The following MTUS1 variants were observed in gnomAD, a reference collection of about 807,000 sequenced individuals.
MTUS1 encodes the protein microtubule associated scaffold protein 1.
Under a neutral mutation model 120.8 loss-of-function variants are expected in MTUS1, and 109 were observed. The observed-to-expected ratio is 0.90, with a 90% CI of 0.77 to 1.06. MTUS1 has a LOEUF of 1.06. Among genes scored for constraint, MTUS1 ranks in the 50% least tolerant of loss-of-function variants. The pLI is 0.00. For synonymous variants in MTUS1, 737 were observed against 550.5 expected, an observed-to-expected ratio of 1.34 and a Z score of -4.74; for missense variants, 2,210 against 1,486.3, an observed-to-expected ratio of 1.49 and a Z score of -8.01.
intron 4 of MTUS1, among the ~76,000 whole-genome samples, chr8:17,720,877 A>C (rs2045785360): frequency 6.6e-6 from 1 of 152,206 alleles, no homozygotes; most frequent in Non-Finnish European, 1.5e-5. Context: ...AAAAGGATCA[A>C]GATCGTAACT....
intron 7 of MTUS1, among the ~76,000 whole-genome samples, chr8:17,683,010 T>C (rs1264886280): frequency 6.6e-6 from 1 of 152,196 alleles, no homozygotes; most frequent in Non-Finnish European, 1.5e-5. Flanking sequence ...CAGTGGCGCA[T>C]GCCTGTAATC....
chr8:17,751,628 G>C (rs2048200463), intron 2 of MTUS1, among the ~76,000 whole-genome samples: 1 of 152,056 alleles, frequency 6.6e-6, no homozygotes, highest in Non-Finnish European at 1.5e-5. Flanking sequence ...GGGAGGCCGA[G>C]GCAGGTGGAT....
At chr8:17,739,908 T>C (rs192013326) in intron 3 of MTUS1, among the ~76,000 whole-genome samples, 6 of 152,338 alleles carry the variant, frequency 3.9e-5, no homozygotes, top group African/African-American at 1.4e-4. Flanking sequence ...TCTCTTATAA[T>C]CTGGTCTCAT....
chr8:17,765,068 C>G lies in MTUS1; in HGVS notation c.-154-9107G>C, dbSNP rs543554642. 5.3e-5 allele frequency among the ~76,000 whole-genome samples: 8 copies of G among 152,276 alleles called. No individual in the cohort carries two copies. The East Asian group carries it at 1.5e-3, about 29-fold the overall frequency. On this transcript the variant is annotated intron_variant, in intron 1 of 14. Coordinates refer to ENST00000693296, the MANE Select transcript of MTUS1 (RefSeq NM_001363059.2). Reference sequence around the variant, plus strand: ...GAAGTGATGGGAGACAGTGACAGATCATTAGGCATTAGATTCTCATAAGTA... The same window carrying G: ...GAAGTGATGGGAGACAGTGACAGATGATTAGGCATTAGATTCTCATAAGTA...
intron 8 of MTUS1, among the ~76,000 whole-genome samples, chr8:17,674,161 G>C (rs906089908): frequency 9.2e-5 from 14 of 152,030 alleles, no homozygotes; most frequent in African/African-American, 3.4e-4. Context: ...GTGTCGGCTG[G>C]GTGCGGTGGC....
intron 3 of MTUS1, among the ~76,000 whole-genome samples, chr8:17,735,038 A>G (rs1288617452): frequency 6.6e-6 from 1 of 152,072 alleles, no homozygotes; most frequent in Non-Finnish European, 1.5e-5. Flanking sequence ...CAGGCTCCCG[A>G]GTAGCTAGTA....
intron 2 of MTUS1, among the ~76,000 whole-genome samples, chr8:17,748,820 A>AC: frequency 6.6e-6 from 1 of 152,312 alleles, no homozygotes; most frequent in Middle Eastern, 3.4e-3. Context: ...AGGCACTCAG[A>AC]CAGGGTCTCT....
intron 1 of MTUS1, among the ~76,000 whole-genome samples, chr8:17,779,700 A>T (rs1204025237): frequency 6.6e-6 from 1 of 152,176 alleles, no homozygotes; most frequent in Non-Finnish European, 1.5e-5. Context: ...GCCCTACTCT[A>T]TCTTGGTTTT....
chr8:17,715,835 G>A lies in MTUS1; in HGVS notation c.2516C>T (p.Ser839Leu). 2 of 1,614,038 alleles carry A rather than the reference G, an allele frequency of 1.2e-6. No homozygotes were observed. The highest frequency in any genetic ancestry group is 1.7e-6 in the Non-Finnish European group (2 of 1,179,938). ...CAAAGGCTTCAAATAAAAGGATCCT[G>A]AGGAACCATTCTGAAATGCTGGTTT... ...PPKPAFQNGS[S>L]GSFYLKPLVS... Residue 839 changes from serine to leucine, a missense_variant, in exon 5 of 15, where the codon TCA (serine) becomes TTA (leucine). By Grantham distance (145) the Ser-to-Leu change is moderately radical. Transcript: ENST00000693296.
chr8:17,755,266 CTCTT>C lies in MTUS1; in HGVS notation c.538_541del (p.Lys180ValfsTer61). The C allele has an allele frequency of 1.9e-6, 3 of 1,614,160 alleles. No homozygotes were observed. The highest frequency in any genetic ancestry group is 2.5e-6 in the Non-Finnish European group (3 of 1,179,990). On this transcript the variant is annotated frameshift_variant, in exon 2 of 15. Coordinates refer to ENST00000693296, the MANE Select transcript of MTUS1 (RefSeq NM_001363059.2). LOFTEE classifies it high-confidence loss of function. ...GCTTCCAGCAGTATGGAAGGACTGA[CTCTT>C]TCCGATGGCATGATGTGATATAAAG...
chr8:17,698,678 GAAGA>G (rs1274841431), intron 6 of MTUS1, among the ~76,000 whole-genome samples: 4 of 152,064 alleles, frequency 2.6e-5, no homozygotes, highest in Non-Finnish European at 5.9e-5. Flanking sequence ...ATGAAGCAGG[GAAGA>G]GAGAGGGAGG....
At chr8:17,682,114 G>C (rs1383473108) in intron 7 of MTUS1, among the ~76,000 whole-genome samples, 1 of 152,166 alleles carries the variant, frequency 6.6e-6, no homozygotes, top group African/African-American at 2.4e-5. Flanking sequence ...GAGAACCACT[G>C]GAAGATTTAA....
rs1208498836 is a variant in MTUS1, at chr8:17,684,399, T to G, written c.2767A>C (p.Lys923Gln). ...ENQSGFILQL[K>Q]QLLACGNTKF... ...GTATTACCACAGGCAAGAAGCTGCT[T>G]GAGCTGCAGGATAAATCCACTTTGG... The change falls in exon 7 of 15, where the codon AAG (lysine) becomes CAG (glutamine). Residue 923 changes from lysine to glutamine, a missense_variant. Transcript: ENST00000693296. 2 of 1,614,232 alleles carry G rather than the reference T, an allele frequency of 1.2e-6. No individual in the cohort carries two copies. Among genetic ancestry groups the G allele is most frequent in the East Asian group, 4.5e-5 (2 of 44,888 alleles).
chr8:17,649,115 G>A (rs6995714), intron 13 of MTUS1, among the ~76,000 whole-genome samples: 11,732 of 151,716 alleles, frequency 0.077, 613 homozygotes, highest in African/African-American at 0.13. Context: ...TTGAGATGGA[G>A]TCTTGCTATG....
At position 17,723,398 on chromosome 8, in the gene MTUS1, C is replaced by T. The variant is rs544160010; in HGVS notation, c.2449+274G>A. 13 of 481,982 alleles carry T rather than the reference C, an allele frequency of 2.7e-5. No homozygotes were observed. In the East Asian group the frequency reaches 4.5e-4, roughly 17 times the overall value. 29.9% of individuals were successfully genotyped at this position (481,982 alleles called of 1,614,324 possible). A position where few individuals can be genotyped will look rare whatever the true frequency, so the allele number is the denominator to read the frequency against. On this transcript the variant is annotated intron_variant, in intron 4 of 14. Coordinates refer to ENST00000693296, the MANE Select transcript of MTUS1 (RefSeq NM_001363059.2). ...TGATTCCAGTTAGAGTCCAAATCCC[C>T]TGGGTTGCTACTCTTAAACCTCCAA...
intron 1 of MTUS1, among the ~76,000 whole-genome samples, chr8:17,775,258 A>G (rs1363557097): frequency 6.6e-6 from 1 of 152,170 alleles, no homozygotes; most frequent in Non-Finnish European, 1.5e-5. Context: ...CATGTTATAT[A>G]TATTTTACCA....
In MTUS1 at chr8:17,753,987, G is replaced by C. The variant is rs375815032; in HGVS notation, c.1821C>G (p.Ala607=). 12 of 1,613,988 alleles carry C rather than the reference G, an allele frequency of 7.4e-6. No homozygotes were observed. The highest frequency in any genetic ancestry group is 1.3e-5 in the African/African-American group (1 of 74,890). ...CAACATCTTCCTGATTCGATTTCAC[G>C]GCAGATGTTGTTCTTGGAACCCTGT... ...ASHRVPRTTS[A]VKSNQEDVDK... is the part of the protein sequence containing the mutation. Residue 607 remains alanine (A), a synonymous_variant, in exon 2 of 15, where the codon GCC becomes GCG. Transcript: ENST00000693296.
intron 6 of MTUS1, among the ~76,000 whole-genome samples, chr8:17,704,984 A>C (rs28525253): frequency 0.016 from 2,434 of 151,914 alleles, 66 homozygotes; most frequent in African/African-American, 0.056. Flanking sequence ...AATGATTTTT[A>C]TTCTTTTTAT....
chr8:17,677,923 A>G (rs1026755244), intron 7 of MTUS1, among the ~76,000 whole-genome samples: 1 of 152,214 alleles, frequency 6.6e-6, no homozygotes. Flanking sequence ...TGCTGTGAAA[A>G]TATAAAAGAA....
Sources: gnomAD v4.1 joint callset for allele counts (sites outside exome capture counted in the v4.1 genomes callset) on GRCh38, gnomAD v4.1.1 for gene constraint, MANE v1.5 for transcripts, NCBI Gene and HGNC (gene_info 2026-07-23, HGNC 2026-07-21) for gene names.